The following ANAPC1 variants were observed in gnomAD, a reference collection of about 807,000 sequenced individuals.
ANAPC1 encodes the protein anaphase promoting complex subunit 1.
In ANAPC1, 36 loss-of-function variants were observed where a neutral mutation model predicts 208.0. That is an observed-to-expected ratio of 0.17 (90% confidence interval 0.13 to 0.23). ANAPC1 has a LOEUF of 0.23. Ranked by LOEUF, ANAPC1 falls within the 10% of genes least tolerant of loss-of-function variation. The pLI is 1.00. For synonymous variants in ANAPC1, 378 were observed against 695.2 expected (o/e 0.54, Z 7.18); for missense variants, 942 against 2,011.6 (o/e 0.47, Z 10.17).
chr2:111,797,095 C>T (rs1050447449), intron 34 of ANAPC1, among the ~76,000 whole-genome samples: 3 of 150,914 alleles, frequency 2.0e-5, no homozygotes, highest in Admixed American at 6.6e-5. Flanking sequence ...ACTCTGACCT[C>T]GAGTGATGTG....
chr2:111,859,653 C>A lies in ANAPC1; in HGVS notation c.1263-1252G>T, dbSNP rs145552649. 1.2e-3 allele frequency among the ~76,000 whole-genome samples: 187 copies of A among 152,272 alleles called. 2 individuals are homozygous for A. In the East Asian group the frequency reaches 0.034, roughly 28 times the overall value. On this transcript the variant is annotated intron_variant, in intron 10 of 47. Coordinates refer to ENST00000341068, the MANE Select transcript of ANAPC1 (RefSeq NM_022662.4). ...GACTACTTCAACATTGTATCCACAT[C>A]TTTACTTTCTTCAGACTACCTATTC...
Position 111,811,091 on chromosome 2 carries a change from C to T in ANAPC1, c.3598-1910G>A, listed in dbSNP as rs149645320. Among the ~76,000 whole-genome samples the T allele has an allele frequency of 2.7e-3, 409 of 152,152 alleles. 16 individuals are homozygous for T. The East Asian group carries it at 0.072, about 27-fold the overall frequency. Reference sequence around the variant, plus strand: ...GGATCAGAATAAGGTCCTGGGGCAACTAAAGGTATCTGGCCAAGGGTACAT... The same window carrying T: ...GGATCAGAATAAGGTCCTGGGGCAATTAAAGGTATCTGGCCAAGGGTACAT... On this transcript the variant is annotated intron_variant, in intron 28 of 47. Coordinates refer to ENST00000341068, the MANE Select transcript of ANAPC1 (RefSeq NM_022662.4).
chr2:111,883,242 T>C (rs1363837625), intron 1 of ANAPC1, among the ~76,000 whole-genome samples: 1 of 151,166 alleles, frequency 6.6e-6, no homozygotes, highest in African/African-American at 2.4e-5. Flanking sequence ...TCTTCCTATA[T>C]TTTATTCAAC....
chr2:111,881,529 AATT>A (rs1284966404), intron 1 of ANAPC1, among the ~76,000 whole-genome samples: 2 of 152,166 alleles, frequency 1.3e-5, no homozygotes, highest in Non-Finnish European at 2.9e-5. Context: ...GGTTTTAATT[AATT>A]ATTACATCTA....
intron 46 of ANAPC1, among the ~76,000 whole-genome samples, chr2:111,775,246 C>G (rs1348212920): frequency 6.6e-6 from 1 of 152,190 alleles, no homozygotes; most frequent in African/African-American, 2.4e-5. Context: ...ACCCTGGCGA[C>G]AGAGCGAGAC....
At chr2:111,883,757 AGCCCGCAGGCCAGGAGC>A (rs370884984) in intron 1 of ANAPC1, among the ~76,000 whole-genome samples, 168 bp downstream of exon 1, 2 of 152,286 alleles carry the variant, frequency 1.3e-5, no homozygotes, top group South Asian at 2.1e-4. Context: ...GGAGCACCCC[AGCCCGCAGGCCAGGAGC>A]GCCCGCAGGC....
rs189595870 is a variant in ANAPC1 at position 111,879,405 on chromosome 2, T to C, written c.214-434A>G. On this transcript the variant is annotated intron_variant, in intron 2 of 47. Transcript: ENST00000341068. ...TTCGCAATCACATATATATTCACCT[T>C]CTTTTCCTTTGTCCCACCCACCAAA... Among the ~76,000 whole-genome samples the C allele has an allele frequency of 1.6e-3, 242 of 152,312 alleles. 1 individual carries two copies. Among genetic ancestry groups the C allele is most frequent in the South Asian group, 4.1e-3 (20 of 4,824 alleles).
chr2:111,806,798 G>A (rs2612955), intron 29 of ANAPC1, among the ~76,000 whole-genome samples: 1 of 152,184 alleles, frequency 6.6e-6, no homozygotes, highest in Admixed American at 6.5e-5. Context: ...TAACACTACC[G>A]TGTTGAAAAC....
chr2:111,791,714 G>A (rs1573333305), intron 38 of ANAPC1, among the ~76,000 whole-genome samples: 1 of 152,176 alleles, frequency 6.6e-6, no homozygotes, highest in African/African-American at 2.4e-5. Flanking sequence ...TAAGGTGTTA[G>A]AAGACCAGAT....
rs1558733827 is a variant in ANAPC1, at chr2:111,863,720, C to T, written c.1007G>A (p.Ser336Asn). The T allele has an allele frequency of 6.2e-7, 1 of 1,613,844 alleles. No individual in the cohort carries two copies. Among genetic ancestry groups the T allele is most frequent in the Non-Finnish European group, 8.5e-7 (1 of 1,179,830 alleles). ...AATAGAAGGTGAGCGAGAATGTAGACTGGGTGATGAGGTTGAGCGACTCTG... is the reference window on the plus strand; with the variant it reads ...AATAGAAGGTGAGCGAGAATGTAGATTGGGTGATGAGGTTGAGCGACTCTG... ...HSQSRSTSSP[S>N]LHSRSPSISN... Residue 336 changes from serine (S) to asparagine (N), a missense_variant, in exon 9 of 48, where the codon AGT becomes AAT. Coordinates refer to ENST00000341068, the MANE Select transcript of ANAPC1 (RefSeq NM_022662.4).
At chr2:111,783,578 T>C (rs1188080759) in intron 42 of ANAPC1, among the ~76,000 whole-genome samples, 1 of 152,126 alleles carries the variant, frequency 6.6e-6, no homozygotes, top group African/African-American at 2.4e-5. Flanking sequence ...AGTGTGAAAA[T>C]GGACTAATAC....
At chr2:111,873,124 A>G (rs1200708099) in intron 5 of ANAPC1, 184 bp downstream of exon 5, 4 of 661,592 alleles carry the variant, frequency 6.0e-6, no homozygotes, top group East Asian at 3.0e-5. Context: ...TCACTAAATA[A>G]CTTATTTTCT....
At chr2:111,873,181 G>C (rs1682848645) in intron 5 of ANAPC1, 127 bp downstream of exon 5, 2 of 982,290 alleles carry the variant, frequency 2.0e-6, no homozygotes, top group Non-Finnish European at 2.8e-6. Flanking sequence ...CCAAAATTTA[G>C]TTATTTTGAG....
Position 111,856,632 on chromosome 2 carries a change from T to C in ANAPC1, c.1497A>G (p.Leu499=), listed in dbSNP as rs1196271752. 1 of 1,613,828 alleles carries C rather than the reference T, an allele frequency of 6.2e-7. No individual in the cohort carries two copies. Among genetic ancestry groups the C allele is most frequent in the African/African-American group, 1.3e-5 (1 of 74,928 alleles). The change falls in exon 13 of 48, where the codon CTA becomes CTG. Residue 499 remains leucine (L), a synonymous_variant. Transcript: ENST00000341068. The part of the protein sequence containing the change: ...LVLEGSGNLV[L]YTGVVRVGKV... ...TGCTTACCCGAACCACTCCTGTGTA[T>C]AGCACCAGGTTTCCACTGCCTTCCA...
At chr2:111,773,499 T>C (rs1676854972) in intron 46 of ANAPC1, among the ~76,000 whole-genome samples, 1 of 152,160 alleles carries the variant, frequency 6.6e-6, no homozygotes, top group South Asian at 2.1e-4. Context: ...CCTTACTGTT[T>C]AAAGGCAGGT....
intron 18 of ANAPC1, among the ~76,000 whole-genome samples, chr2:111,837,411 C>T (rs374037212): frequency 7.0e-6 from 1 of 143,004 alleles, no homozygotes; most frequent in South Asian, 2.2e-4. Flanking sequence ...CACGAGGTCA[C>T]GAGTTCAAGA....
chr2:111,854,828 A>G, intron 13 of ANAPC1, among the ~76,000 whole-genome samples: 1 of 152,186 alleles, frequency 6.6e-6, no homozygotes, highest in South Asian at 2.1e-4. Flanking sequence ...CTGTCCAGAC[A>G]CTAAAACTTT....
At chr2:111,872,493 G>C (rs1356573263) in intron 6 of ANAPC1, 137 bp downstream of exon 6, 2 of 672,080 alleles carry the variant, frequency 3.0e-6, no homozygotes, top group African/African-American at 3.7e-5. Flanking sequence ...AACTTGTACT[G>C]AGATGAGAGA....
rs145229082 is a variant in ANAPC1, at chr2:111,868,027, A to G, written c.681T>C (p.Ser227=). Reference sequence around the variant, plus strand: ...AGAATATAGAAATACACTTACTTCCAGATTTACAAACAAGTGGAGTTATTT... The same window carrying G: ...AGAATATAGAAATACACTTACTTCCGGATTTACAAACAAGTGGAGTTATTT... The part of the protein sequence containing the change: ...LDEITPLVCK[S]GSLFGSSRVQ... Residue 227 remains serine, a synonymous_variant, in exon 7 of 48, where the codon TCT becomes TCC. Transcript: ENST00000341068. 1.2e-3 allele frequency: 1,836 copies of G among 1,583,088 alleles called. 22 individuals are homozygous for G. In the African/African-American group the frequency reaches 0.022, roughly 19 times the overall value.
Sources: allele counts gnomAD v4.1 joint callset (sites outside exome capture counted in the v4.1 genomes callset), GRCh38; gene constraint gnomAD v4.1.1; transcripts MANE v1.5; gene names NCBI Gene and HGNC (gene_info 2026-07-23, HGNC 2026-07-21).